PRKCZ: variants seen among roughly 807,000 people sequenced by gnomAD.
PRKCZ encodes protein kinase C zeta.
A neutral mutation model predicts 79.5 loss-of-function variants in PRKCZ; 33 were observed. The ratio of observed to expected loss-of-function variants is 0.41; its 90% CI spans 0.31 to 0.55. The LOEUF (loss-of-function observed/expected upper bound fraction) is 0.55. Ranked by LOEUF, PRKCZ falls within the 20% of genes least tolerant of loss-of-function variation. The pLI is 0.19. For synonymous variants in PRKCZ, 342 were observed against 320.9 expected (o/e 1.07, Z -0.70); for missense variants, 578 against 813.5 (o/e 0.71, Z 3.52).
Position 2,173,545 on chromosome 1 carries a change from G to A in PRKCZ, c.1286-352G>A, listed in dbSNP as rs1477296518. Reference sequence around the variant, plus strand: ...AGGAGAGTATTTCCGTTACTGCAGCGAAAGGGCTTCTTCAAGCTTAGTTCT... The same window carrying A: ...AGGAGAGTATTTCCGTTACTGCAGCAAAAGGGCTTCTTCAAGCTTAGTTCT... On this transcript the variant is annotated intron_variant, in intron 13 of 17. Transcript: ENST00000378567. This position sits in a 1 kb window ranked among gnomAD's most constrained non-coding sequence, Gnocchi z 5.7. Among the ~76,000 whole-genome samples, 1 of 152,208 alleles carries A rather than the reference G, an allele frequency of 6.6e-6. No homozygotes were observed. The highest frequency in any genetic ancestry group is 1.5e-5 in the Non-Finnish European group (1 of 68,032).
In PRKCZ at chr1:2,175,284, G is replaced by A. The variant is rs142655985; in HGVS notation, c.1546G>A (p.Ala516Thr). 1,320 of 1,613,570 alleles carry A rather than the reference G, an allele frequency of 8.2e-4. 3 individuals are homozygous for A. Among genetic ancestry groups the A allele is most frequent in the Non-Finnish European group, 1.0e-3 (1,175 of 1,179,840 alleles). ...QTGFSDIKSHAFFRSIDWDLL... is the reference protein window; with the variant it reads ...QTGFSDIKSHTFFRSIDWDLL... ...TGGATTTTCTGACATCAAGTCCCAC[G>A]CGTTCTTCCGCAGCATAGACTGGGA... The change falls in exon 16 of 18, where the codon GCG (alanine) becomes ACG (threonine). Residue 516 changes from alanine to threonine, a missense_variant. Transcript: ENST00000378567.
Position 2,064,996 on chromosome 1 carries a change from T to C in PRKCZ, c.334+5405T>C, listed in dbSNP as rs28872609. ...CAATCCATGAACTGAAGTGTGTTTC[T>C]GTTTGTTTATGTTTTCTTTGATTTC... On this transcript the variant is annotated intron_variant, in intron 4 of 17. Transcript: ENST00000378567. Among the ~76,000 whole-genome samples, 1,651 of 152,358 alleles carry C rather than the reference T, an allele frequency of 0.011. 138 individuals carry two copies. The East Asian group carries it at 0.21, about 19-fold the overall frequency.
At chr1:2,104,252 T>C (rs934250317) in intron 4 of PRKCZ, among the ~76,000 whole-genome samples, 6 of 151,964 alleles carry the variant, frequency 3.9e-5, no homozygotes, top group Admixed American at 3.3e-4. Flanking sequence ...GAGCGGGTCG[T>C]CTCAAACACC....
chr1:2,079,095 G>A (rs1411309438), intron 4 of PRKCZ, among the ~76,000 whole-genome samples: 3 of 152,192 alleles, frequency 2.0e-5, no homozygotes, highest in Non-Finnish European at 4.4e-5. Flanking sequence ...GCCCGCCTCG[G>A]CCTCCCAAAG....
rs759605161 is a variant in PRKCZ, at chr1:2,082,069, G to A, written c.334+22478G>A. Reference sequence around the variant, plus strand: ...GGCTGCCGTGGTTCCGATCGACTCCGAATAGGACACCACACAGTCGTGCCA... The same window carrying A: ...GGCTGCCGTGGTTCCGATCGACTCCAAATAGGACACCACACAGTCGTGCCA... On this transcript the variant is annotated intron_variant, in intron 4 of 17. Coordinates refer to ENST00000378567, the MANE Select transcript of PRKCZ (RefSeq NM_002744.6). The surrounding 1 kb of genome is among the most constrained non-coding windows in gnomAD (Gnocchi z 4.4). 6.6e-6 allele frequency among the ~76,000 whole-genome samples: 1 copy of A among 152,254 alleles called. No homozygotes were observed. Among genetic ancestry groups the A allele is most frequent in the African/African-American group, 2.4e-5 (1 of 41,466 alleles).
chr1:2,182,811 G>A (rs1026833193), intron 16 of PRKCZ: 2 of 154,528 alleles, frequency 1.3e-5, no homozygotes, highest in African/African-American at 4.8e-5. Flanking sequence ...GTGAATGAGT[G>A]TGCGAGGGTG....
intron 4 of PRKCZ, among the ~76,000 whole-genome samples, chr1:2,072,948 G>A (rs1661738869): frequency 1.3e-5 from 2 of 152,056 alleles, no homozygotes; most frequent in Non-Finnish European, 2.9e-5. Flanking sequence ...AGCACCCCGC[G>A]ACCCCCCATG....
At chr1:2,182,141 C>T in intron 16 of PRKCZ, 1 of 240,574 alleles carries the variant, frequency 4.2e-6, no homozygotes, top group South Asian at 4.2e-5. Context: ...GTGGGCATTT[C>T]TTTGTAAGTT....
intron 4 of PRKCZ, among the ~76,000 whole-genome samples, chr1:2,089,586 C>T (rs1199271344): frequency 1.3e-5 from 2 of 152,178 alleles, no homozygotes; most frequent in African/African-American, 4.8e-5. Context: ...GACGAACAAA[C>T]ACTCTGGGGT....
chr1:2,104,360 G>A (rs10752741), intron 4 of PRKCZ, among the ~76,000 whole-genome samples: 83,872 of 152,022 alleles, frequency 0.55, 23,878 homozygotes, highest in East Asian at 0.68. Flanking sequence ...GGAAGGTTAC[G>A]GCTGGTGGTT....
chr1:2,070,137 A>G (rs931678068), intron 4 of PRKCZ, among the ~76,000 whole-genome samples: 1 of 152,080 alleles, frequency 6.6e-6, no homozygotes, highest in Non-Finnish European at 1.5e-5. Flanking sequence ...CCTCGGGGTC[A>G]TCAGAGCCAG....
At chr1:2,115,068 G>A (rs372049436) in intron 4 of PRKCZ, among the ~76,000 whole-genome samples, 5 of 152,262 alleles carry the variant, frequency 3.3e-5, no homozygotes, top group African/African-American at 9.6e-5. Flanking sequence ...GACCCCAGGC[G>A]TAACCTACCC....
rs1382658487 is a variant in PRKCZ, at chr1:2,168,392, G to A, written c.975-1126G>A. Among the ~76,000 whole-genome samples, 1 of 152,152 alleles carries A rather than the reference G, an allele frequency of 6.6e-6. No homozygotes were observed. Among genetic ancestry groups the A allele is most frequent in the African/African-American group, 2.4e-5 (1 of 41,428 alleles). On this transcript the variant is annotated intron_variant, in intron 10 of 17. Transcript: ENST00000378567. The surrounding 1 kb of genome is among the most constrained non-coding windows in gnomAD (Gnocchi z 4.7). ...GGGGAGACAACAAAAGCCGAGGAAC[G>A]AGCCTTCCCCAGCCGCTCCCCAAAG...
At chr1:2,059,733 CAGGTG>C (rs1660500682) in intron 4 of PRKCZ, 142 bp downstream of exon 4, 2 of 1,102,598 alleles carry the variant, frequency 1.8e-6, no homozygotes, top group Admixed American at 2.0e-5. Flanking sequence ...GTGGTGACCG[CAGGTG>C]GGGTTTTCAC....
chr1:2,058,306 A>ATTTTTT (rs35722361), intron 3 of PRKCZ, among the ~76,000 whole-genome samples: 6 of 125,340 alleles, frequency 4.8e-5, no homozygotes, highest in African/African-American at 1.6e-4. Context: ...CCCGGCCCCA[A>ATTTTTT]TTTTTTTTTT....
chr1:2,185,354 C>G lies in PRKCZ; in HGVS notation c.*345C>G, dbSNP rs777654173. On this transcript the variant is annotated 3_prime_UTR_variant, in exon 18 of 18. Transcript: ENST00000378567. ...TGACCTGCTCCGCCAGGAAAGTGAG[C>G]GTGTAGCGTCCTGAGGAATAAAATG... 1.4e-6 allele frequency: 1 copy of G among 718,782 alleles called. No individual in the cohort carries two copies. The highest frequency in any genetic ancestry group is 1.5e-5 in the South Asian group (1 of 67,594). 44.5% of individuals were successfully genotyped at this position (718,782 alleles called of 1,614,324 possible). A position where few individuals can be genotyped will look rare whatever the true frequency, so the allele number is the denominator to read the frequency against.
Position 2,058,058 on chromosome 1 carries a change from G to A in PRKCZ, c.284-1483G>A, listed in dbSNP as rs187216715. On this transcript the variant is annotated intron_variant, in intron 3 of 17. Coordinates refer to ENST00000378567, the MANE Select transcript of PRKCZ (RefSeq NM_002744.6). ...AATGTTTTGTATTTTTAGTAGAGAC[G>A]GAGTTTCACCATGTTAGCCAAGATG... Among the ~76,000 whole-genome samples, 356 of 152,292 alleles carry A rather than the reference G, an allele frequency of 2.3e-3. 5 individuals are homozygous for A. The highest frequency in any genetic ancestry group is 2.2e-3 in the Non-Finnish European group (147 of 68,020).
intron 16 of PRKCZ, 170 bp from the exon 17 acceptor site, chr1:2,184,413 T>A (rs1448317799): frequency 1.7e-6 from 1 of 579,968 alleles, no homozygotes; most frequent in East Asian, 3.0e-5. Context: ...ACTTTGGATA[T>A]TTTCTAGATT....
chr1:2,157,493 C>T (rs3107124), intron 10 of PRKCZ, among the ~76,000 whole-genome samples: 14,773 of 152,078 alleles, frequency 0.097, 769 homozygotes, highest in Middle Eastern at 0.12. Flanking sequence ...TCTTGGCTCA[C>T]TGCAGTCACC....
Sources: allele counts gnomAD v4.1 joint callset (sites outside exome capture counted in the v4.1 genomes callset), GRCh38; gene constraint gnomAD v4.1.1; non-coding constraint Gnocchi (gnomAD v3.1); transcripts MANE v1.5; gene names NCBI Gene and HGNC (gene_info 2026-07-23, HGNC 2026-07-21).